The following KLF9 variants were observed in gnomAD, a reference collection of about 807,000 sequenced individuals.
The protein encoded by KLF9 is Krueppel-like factor 9.
Under a neutral mutation model 17.3 loss-of-function variants are expected in KLF9, and 2 were observed. The observed-to-expected ratio is 0.12, with a 90% CI of 0.05 to 0.36. The LOEUF (loss-of-function observed/expected upper bound fraction) is 0.36. Among genes scored for constraint, KLF9 ranks in the 10% least tolerant of loss-of-function variants. KLF9 has a pLI of 1.00. For synonymous variants in KLF9, 138 were observed against 139.2 expected, an observed-to-expected ratio of 0.99 and a Z score of 0.06; for missense variants, 226 against 333.2, an observed-to-expected ratio of 0.68 and a Z score of 2.51.
intron 1 of KLF9, among the ~76,000 whole-genome samples, chr9:70,396,778 T>G (rs2037184371): frequency 6.6e-6 from 1 of 152,216 alleles, no homozygotes; most frequent in Non-Finnish European, 1.5e-5. Flanking sequence ...AGTATAAATT[T>G]CTTTTATGAG....
chr9:70,410,389 T>C (rs1044723621), intron 1 of KLF9, among the ~76,000 whole-genome samples: 8 of 152,246 alleles, frequency 5.3e-5, no homozygotes, highest in Non-Finnish European at 1.0e-4. Context: ...CCTTATGGTC[T>C]CAAATGAGAA....
intron 1 of KLF9, among the ~76,000 whole-genome samples, chr9:70,402,045 A>AAAATT (rs1485685166): frequency 6.6e-6 from 1 of 152,010 alleles, no homozygotes; most frequent in Admixed American, 6.6e-5. Flanking sequence ...AAAATAAAAT[A>AAAATT]AAATCAATTA....
chr9:70,405,513 TAAAA>T lies in KLF9; in HGVS notation c.505+7342_505+7345del, dbSNP rs1165794470. Among the ~76,000 whole-genome samples, 5 of 152,314 alleles carry T rather than the reference TAAAA, an allele frequency of 3.3e-5. No homozygotes were observed. In the South Asian group the frequency reaches 8.3e-4, roughly 25 times the overall value. On this transcript the variant is annotated intron_variant, in intron 1 of 1. Transcript: ENST00000377126. Reference sequence around the variant, plus strand: ...AATTTGTGATCATTCTCAGTTTCATTAAAAAATAAACAAATTCAAAGGCCCAGCA... The same window carrying T: ...AATTTGTGATCATTCTCAGTTTCATTAATAAACAAATTCAAAGGCCCAGCA...
chr9:70,394,448 G>C (rs962247920), intron 1 of KLF9, among the ~76,000 whole-genome samples: 3 of 152,062 alleles, frequency 2.0e-5, no homozygotes, highest in African/African-American at 7.2e-5. Flanking sequence ...TAAAAGATCA[G>C]CTCTGAAACC....
intron 1 of KLF9, among the ~76,000 whole-genome samples, chr9:70,410,295 C>T (rs1311915106): frequency 3.3e-5 from 5 of 152,198 alleles, no homozygotes; most frequent in African/African-American, 1.2e-4. Context: ...TTTTTATAAA[C>T]CCTGTGTTGG....
Position 70,413,355 on chromosome 9 carries a change from C to T in KLF9, c.9G>A (p.Ala3=). 6.5e-7 allele frequency: 1 copy of T among 1,543,434 alleles called. No individual in the cohort carries two copies. The highest frequency in any genetic ancestry group is 8.7e-7 in the Non-Finnish European group (1 of 1,147,166). The part of the protein sequence containing the change: MS[A]AAYMDFVAAQ... ...CAGCCACGAAGTCCATGTAGGCGGC[C>T]GCGGACATGGTGCGGGCGACGGCAG... The change falls in exon 1 of 2, where the codon GCG becomes GCA. Residue 3 remains alanine (A), a synonymous_variant. Coordinates refer to ENST00000377126, the MANE Select transcript of KLF9 (RefSeq NM_001206.4). This position sits in a 1 kb window ranked among gnomAD's most constrained non-coding sequence, Gnocchi z 5.6.
chr9:70,400,029 C>T (rs970079417), intron 1 of KLF9, among the ~76,000 whole-genome samples: 1 of 152,142 alleles, frequency 6.6e-6, no homozygotes, highest in African/African-American at 2.4e-5. Flanking sequence ...ATATCCAGGT[C>T]TTTATTCTCC....
In KLF9 at chr9:70,409,104, GTA is replaced by G. The variant is rs1365964822; in HGVS notation, c.505+3753_505+3754del. Among the ~76,000 whole-genome samples the G allele has an allele frequency of 4.7e-4, 34 of 72,354 alleles. 2 individuals carry two copies. Among genetic ancestry groups the G allele is most frequent in the East Asian group, 1.5e-3 (5 of 3,400 alleles). 47.5% of individuals were successfully genotyped at this position (72,354 alleles called of 152,430 possible). ...TATACACATATATGTATATATATGT[GTA>G]TATATATACATATATGTATATATGT... is the stretch of plus-strand genomic sequence containing the variant. On this transcript the variant is annotated intron_variant, in intron 1 of 1. Coordinates refer to ENST00000377126, the MANE Select transcript of KLF9 (RefSeq NM_001206.4).
chr9:70,401,657 A>G (rs2037222479), intron 1 of KLF9, among the ~76,000 whole-genome samples: 1 of 132,882 alleles, frequency 7.5e-6, no homozygotes, highest in Non-Finnish European at 1.6e-5. Context: ...ACTGCACTCT[A>G]GTCTGGGCAA....
chr9:70,397,456 C>G (rs1488883605), intron 1 of KLF9, among the ~76,000 whole-genome samples: 1 of 151,642 alleles, frequency 6.6e-6, no homozygotes, highest in African/African-American at 2.4e-5. Flanking sequence ...GCCTGGGTGA[C>G]AGAGTGAGAC....
In KLF9 at chr9:70,385,430, GAAGTA is replaced by G. The variant is rs745376278; in HGVS notation, c.*2341_*2345del. ...AAAAGGCAAGTAACAACTTTTTTGG[GAAGTA>G]AATTGTGCATTTTTTTAAAACAAGT... On this transcript the variant is annotated 3_prime_UTR_variant, in exon 2 of 2. Transcript: ENST00000377126. 6.6e-6 allele frequency: 1 copy of G among 152,612 alleles called. No individual in the cohort carries two copies. The highest frequency in any genetic ancestry group is 2.4e-5 in the African/African-American group (1 of 41,446). 9.5% of individuals were successfully genotyped at this position (152,612 alleles called of 1,614,324 possible).
chr9:70,410,793 C>T (rs2037306172), intron 1 of KLF9, among the ~76,000 whole-genome samples: 1 of 152,228 alleles, frequency 6.6e-6, no homozygotes, highest in Non-Finnish European at 1.5e-5. Flanking sequence ...CTTCCAAATG[C>T]ATGAGACCTC....
At chr9:70,412,145 C>G (rs2037319917) in intron 1 of KLF9, among the ~76,000 whole-genome samples, 2 of 139,388 alleles carry the variant, frequency 1.4e-5, no homozygotes, top group African/African-American at 2.8e-5. Flanking sequence ...TCCCTGCAAA[C>G]CGCGATTCAG....
chr9:70,412,246 C>A (rs1297329624), intron 1 of KLF9, among the ~76,000 whole-genome samples: 1 of 139,350 alleles, frequency 7.2e-6, no homozygotes, highest in African/African-American at 2.7e-5. Context: ...ATCAGGAGGA[C>A]TCATGAGTGA....
At chr9:70,392,231 C>G (rs2037157303) in intron 1 of KLF9, among the ~76,000 whole-genome samples, 1 of 152,170 alleles carries the variant, frequency 6.6e-6, no homozygotes, top group African/African-American at 2.4e-5. Context: ...AACTGGCCAC[C>G]AGAATTTGTA....
intron 1 of KLF9, among the ~76,000 whole-genome samples, chr9:70,407,047 G>A (rs2037260977): frequency 6.6e-6 from 1 of 151,954 alleles, no homozygotes; most frequent in Non-Finnish European, 1.5e-5. Context: ...ACTAGAGCAT[G>A]TCAGATTGTT....
At chr9:70,403,971 C>A (rs548658668) in intron 1 of KLF9, among the ~76,000 whole-genome samples, 1 of 152,280 alleles carries the variant, frequency 6.6e-6, no homozygotes, top group South Asian at 2.1e-4. Flanking sequence ...TCTCTTCCCA[C>A]TGGCGGAAAC....
At chr9:70,409,135 CAT>C (rs1256732601) in intron 1 of KLF9, among the ~76,000 whole-genome samples, 49 of 48,890 alleles carry the variant, frequency 1.0e-3, no homozygotes, top group Non-Finnish European at 1.9e-3. Flanking sequence ...TATATGTATA[CAT>C]ATATATGTAT....
intron 1 of KLF9, among the ~76,000 whole-genome samples, chr9:70,397,835 C>G (rs1005699706): frequency 2.0e-5 from 3 of 152,166 alleles, no homozygotes; most frequent in Non-Finnish European, 2.9e-5. Flanking sequence ...GGCTTCTCTC[C>G]TCACCAAAAA....
Sources: gnomAD v4.1 joint callset for allele counts (sites outside exome capture counted in the v4.1 genomes callset) on GRCh38, gnomAD v4.1.1 for gene constraint, Gnocchi (gnomAD v3.1) non-coding constraint, MANE v1.5 for transcripts, NCBI Gene and HGNC (gene_info 2026-07-23, HGNC 2026-07-21) for gene names.